The following IWS1 variants were observed in gnomAD, a reference collection of about 807,000 sequenced individuals.
IWS1 encodes interacts with SUPT6H, CTD assembly factor 1.
IWS1 carries 27 observed loss-of-function variants against 86.7 expected under a neutral mutation model. That is an observed-to-expected ratio of 0.31 (90% CI 0.23 to 0.43). The LOEUF (loss-of-function observed/expected upper bound fraction) is 0.43. Ranked by LOEUF, IWS1 falls within the 20% of genes least tolerant of loss-of-function variation. The probability of loss-of-function intolerance (pLI) is 1.00; values close to 1 mark genes in which losing one functional copy is unlikely to be tolerated. For missense variants in IWS1, 827 were observed against 1,000.8 expected (o/e 0.83, Z 2.34); for synonymous variants, 313 against 335.1 (o/e 0.93, Z 0.72).
intron 7 of IWS1, among the ~76,000 whole-genome samples, chr2:127,495,482 C>T (rs1017449676): frequency 3.0e-4 from 45 of 152,210 alleles, no homozygotes; most frequent in Admixed American, 5.9e-4. Flanking sequence ...TACTTTCCCT[C>T]CATTCTTGAA....
At chr2:127,490,422 T>G (rs1053619363) in intron 10 of IWS1, among the ~76,000 whole-genome samples, 5 of 152,190 alleles carry the variant, frequency 3.3e-5, no homozygotes. Context: ...GGTGGAGACT[T>G]TGTACTTCAT....
Position 127,503,689 on chromosome 2 carries a change from T to C in IWS1, c.1220-113A>G, listed in dbSNP as rs1374660737. The stretch of plus-strand genomic sequence containing the variant: ...CAGCAAAAATAAATAAATAAATAAA[T>C]AAATAAATAAATAAATAAAATAAAA... On this transcript the variant is annotated intron_variant, in intron 3 of 13. Transcript: ENST00000295321. 8.6e-6 allele frequency: 3 copies of C among 349,838 alleles called. No homozygotes were observed. The Admixed American group carries it at 1.5e-4, about 17-fold the overall frequency. 21.7% of individuals were successfully genotyped at this position (349,838 alleles called of 1,614,324 possible).
chr2:127,521,237 G>A (rs1173249399), intron 2 of IWS1, among the ~76,000 whole-genome samples: 2 of 152,324 alleles, frequency 1.3e-5, no homozygotes, highest in East Asian at 1.9e-4. Context: ...GGGACAGAGT[G>A]AGACTCTGTC....
In IWS1 at chr2:127,517,234, GA is replaced by G. The variant is rs146531569; in HGVS notation, c.150+6441del. 5.3e-5 allele frequency among the ~76,000 whole-genome samples: 8 copies of G among 152,236 alleles called. No individual in the cohort carries two copies. In the East Asian group the frequency reaches 1.5e-3, roughly 29 times the overall value. ...CAGAATCCCAGCTAACTTCTCTGCAGAAATCAACAAACTGATTCTAAAATAC... is the reference window on the plus strand; with the variant it reads ...CAGAATCCCAGCTAACTTCTCTGCAGAATCAACAAACTGATTCTAAAATAC... On this transcript the variant is annotated intron_variant, in intron 2 of 13. Coordinates refer to ENST00000295321, the MANE Select transcript of IWS1 (RefSeq NM_017969.3).
At chr2:127,524,046 A>T (rs947791408) in intron 1 of IWS1, among the ~76,000 whole-genome samples, 1 of 152,198 alleles carries the variant, frequency 6.6e-6, no homozygotes, top group African/African-American at 2.4e-5. Context: ...AACACTAAAC[A>T]CCAAGTCAAC....
intron 13 of IWS1, among the ~76,000 whole-genome samples, chr2:127,481,724 C>T (rs1204550348): frequency 1.3e-5 from 2 of 152,164 alleles, no homozygotes; most frequent in Non-Finnish European, 2.9e-5. Flanking sequence ...AATTCAGTAA[C>T]TTCTGTGACC....
At chr2:127,526,776 A>T (rs549001995), upstream of IWS1, 245 of 1,000,676 alleles carry the variant, frequency 2.4e-4, no homozygotes, top group Non-Finnish European at 3.3e-4. Flanking sequence ...TGCTCAAATG[A>T]CTTTTCCGTC....
At chr2:127,490,150 A>G (rs982897037) in intron 10 of IWS1, among the ~76,000 whole-genome samples, 5 of 152,256 alleles carry the variant, frequency 3.3e-5, no homozygotes, top group Non-Finnish European at 7.3e-5. Context: ...AATTTAATGT[A>G]AAAGATCACC....
rs1690673783 is a variant in IWS1 at position 127,499,169 on chromosome 2, C to T, written c.1468-932G>A. ...GCAGTGGCGTGATCTCGGCTCACTG[C>T]AAGCTCCACCTCCCGGGTTCATGCC... On this transcript the variant is annotated intron_variant, in intron 5 of 13. Coordinates refer to ENST00000295321, the MANE Select transcript of IWS1 (RefSeq NM_017969.3). The surrounding 1 kb of genome is among the most constrained non-coding windows in gnomAD (Gnocchi z 4.0). 6.6e-6 allele frequency among the ~76,000 whole-genome samples: 1 copy of T among 151,058 alleles called. No individual in the cohort carries two copies. The highest frequency in any genetic ancestry group is 2.1e-4 in the South Asian group (1 of 4,806).
rs1316904612 is a variant in IWS1, at chr2:127,489,641, G to C, written c.2159+191C>G. The C allele has an allele frequency of 5.3e-6, 3 of 569,354 alleles. No individual in the cohort carries two copies. Among genetic ancestry groups the C allele is most frequent in the Non-Finnish European group, 6.2e-6 (2 of 321,664 alleles). The allele number at this position is 569,354 out of a possible 1,614,324, so 35.3% of individuals were successfully genotyped here. A position where few individuals can be genotyped will look rare whatever the true frequency, so the allele number is the denominator to read the frequency against. The stretch of plus-strand genomic sequence containing the variant: ...CCAACAAACTGACCCAGAAAGGTCT[G>C]GTTAGGAGGACAGGACCCTCACTAT... On this transcript the variant is annotated intron_variant, in intron 11 of 13. Coordinates refer to ENST00000295321, the MANE Select transcript of IWS1 (RefSeq NM_017969.3). The surrounding 1 kb of genome is among the most constrained non-coding windows in gnomAD (Gnocchi z 4.8).
At position 127,493,423 on chromosome 2, in the gene IWS1, T is replaced by C. The variant is rs2104671798; in HGVS notation, c.1800-13A>G. The C allele has an allele frequency of 6.3e-7, 1 of 1,585,092 alleles. No homozygotes were observed. On this transcript the variant is annotated splice_polypyrimidine_tract_variant and intron_variant, in intron 8 of 13. Coordinates refer to ENST00000295321, the MANE Select transcript of IWS1 (RefSeq NM_017969.3). Reference sequence around the variant, plus strand: ...TTTAAGGTCCTGCCTGCAGTAACAATAATTTTTAAAAATTCTGTGAACCTT... The same window carrying C: ...TTTAAGGTCCTGCCTGCAGTAACAACAATTTTTAAAAATTCTGTGAACCTT...
intron 2 of IWS1, among the ~76,000 whole-genome samples, chr2:127,515,806 TG>T (rs1691733982): frequency 6.6e-6 from 1 of 152,148 alleles, no homozygotes; most frequent in South Asian, 2.1e-4. Context: ...CACTCCAGAT[TG>T]CTGCAGCCAG....
At chr2:127,511,715 CCCA>C (rs1224532420) in intron 2 of IWS1, among the ~76,000 whole-genome samples, 3 of 152,128 alleles carry the variant, frequency 2.0e-5, no homozygotes, top group Middle Eastern at 6.8e-3. Flanking sequence ...ATGAAGAAAC[CCCA>C]CAAGCAATGC....
Position 127,525,290 on chromosome 2 carries a change from G to A in IWS1, c.34+885C>T, listed in dbSNP as rs554338452. Among the ~76,000 whole-genome samples, 242 of 152,222 alleles carry A rather than the reference G, an allele frequency of 1.6e-3. 1 individual carries two copies. Among genetic ancestry groups the A allele is most frequent in the Admixed American group, 2.4e-3 (37 of 15,302 alleles). ...AAGTGTTTTTAAGCAGTGCATGCCT[G>A]GAAAACGCTTTGCAGTCATTAGAAT... On this transcript the variant is annotated intron_variant, in intron 1 of 13. Coordinates refer to ENST00000295321, the MANE Select transcript of IWS1 (RefSeq NM_017969.3).
At chr2:127,510,716 G>A (rs1159593403) in intron 2 of IWS1, among the ~76,000 whole-genome samples, 1 of 151,762 alleles carries the variant, frequency 6.6e-6, no homozygotes, top group Non-Finnish European at 1.5e-5. Flanking sequence ...CAAATGCCTG[G>A]CCTCAAGTGA....
chr2:127,499,096 T>TC lies in IWS1; in HGVS notation c.1468-860_1468-859insG, dbSNP rs1235041188. ...TTGCCAGGCATAATTTTTCTTTTTC[T>TC]TTTTTTTTTTTTGAGACGGAGTCTC... On this transcript the variant is annotated intron_variant, in intron 5 of 13. Transcript: ENST00000295321. This position sits in a 1 kb window ranked among gnomAD's most constrained non-coding sequence, Gnocchi z 4.0. Among the ~76,000 whole-genome samples the TC allele has an allele frequency of 0.017, 1 of 60 alleles. No individual in the cohort carries two copies. Among genetic ancestry groups the TC allele is most frequent in the African/African-American group, 0.05 (1 of 20 alleles). The allele number at this position is 60 out of a possible 152,430, so 0.0% of individuals were successfully genotyped here.
chr2:127,491,633 T>C (rs334154), intron 10 of IWS1, among the ~76,000 whole-genome samples: 132,423 of 151,996 alleles, frequency 0.87, 57,956 homozygotes, highest in East Asian at 1. Flanking sequence ...TTAGTAGAGA[T>C]GGGGTTTCAT....
chr2:127,493,838 A>C (rs1474057875), intron 8 of IWS1, among the ~76,000 whole-genome samples: 1 of 428 alleles, frequency 2.3e-3, no homozygotes, highest in Non-Finnish European at 5.3e-3. Flanking sequence ...TGGCAGGACA[A>C]AAAAAAAAAA....
At chr2:127,496,899 T>G (rs1015877211) in intron 6 of IWS1, among the ~76,000 whole-genome samples, 1 of 152,134 alleles carries the variant, frequency 6.6e-6, no homozygotes, top group Non-Finnish European at 1.5e-5. Flanking sequence ...TAACTGCAAC[T>G]TTTCTATGTT....
Sources: gnomAD v4.1 joint callset for allele counts (sites outside exome capture counted in the v4.1 genomes callset) on GRCh38, gnomAD v4.1.1 for gene constraint, Gnocchi (gnomAD v3.1) non-coding constraint, MANE v1.5 for transcripts, NCBI Gene and HGNC (gene_info 2026-07-23, HGNC 2026-07-21) for gene names.